The following COL4A4 variants were observed in gnomAD, a reference collection of about 807,000 sequenced individuals.
COL4A4 encodes the protein collagen type IV alpha 4 chain, also known as collagen alpha-4(IV) chain.
COL4A4 carries 105 observed loss-of-function variants against 192.9 expected under a neutral mutation model. The ratio of observed to expected loss-of-function variants is 0.54; its 90% confidence interval spans 0.46 to 0.64. The LOEUF (loss-of-function observed/expected upper bound fraction) is 0.64. Ranked by LOEUF, COL4A4 falls within the 30% of genes least tolerant of loss-of-function variation. The pLI is 0.00. For synonymous variants in COL4A4, 762 were observed against 769.9 expected, an observed-to-expected ratio of 0.99 and a Z score of 0.17; for missense variants, 1,967 against 2,169.3, an observed-to-expected ratio of 0.91 and a Z score of 1.85.
rs1966133259 is a variant in COL4A4 at position 227,022,163 on chromosome 2, C to G, written c.4101G>C (p.Gly1367=). The part of the protein sequence containing the change: ...TGLPGPRGEP[G]PPADVDDCPR... The stretch of plus-strand genomic sequence containing the variant: ...GACAGTCATCCACATCTGCAGGTGG[C>G]CCCGGTTCACCTGAAATTGGAATCA... The change falls in exon 44 of 48, where the codon GGG becomes GGC. Residue 1367 remains glycine, a synonymous_variant. Coordinates refer to ENST00000396625, the MANE Select transcript of COL4A4 (RefSeq NM_000092.5). 6.2e-7 allele frequency: 1 copy of G among 1,614,062 alleles called. No homozygotes were observed. The highest frequency in any genetic ancestry group is 8.5e-7 in the Non-Finnish European group (1 of 1,180,024).
At chr2:227,041,324 A>G (rs1189452434) in intron 37 of COL4A4, among the ~76,000 whole-genome samples, 1 of 152,120 alleles carries the variant, frequency 6.6e-6, no homozygotes, top group Non-Finnish European at 1.5e-5. Context: ...GGGCCTGAAC[A>G]TCATAAAAAT....
chr2:227,071,017 A>G (rs2058690837), intron 25 of COL4A4, among the ~76,000 whole-genome samples: 1 of 152,098 alleles, frequency 6.6e-6, no homozygotes, highest in South Asian at 2.1e-4. Flanking sequence ...AAAGACAACT[A>G]TCTGGGTAAC....
intron 4 of COL4A4, among the ~76,000 whole-genome samples, chr2:227,124,942 G>A (rs1576690532): frequency 6.6e-6 from 1 of 152,148 alleles, no homozygotes; most frequent in East Asian, 1.9e-4. Flanking sequence ...GTACTTTACA[G>A]TAATGTATTA....
intron 44 of COL4A4, among the ~76,000 whole-genome samples, chr2:227,015,219 G>GT (rs1559413955): frequency 6.6e-6 from 1 of 152,036 alleles, no homozygotes; most frequent in Non-Finnish European, 1.5e-5. Flanking sequence ...CAGAACCTCT[G>GT]TTCTTATCCA....
chr2:227,111,639 G>A, intron 9 of COL4A4, 39 bp downstream of exon 9: 3 of 1,605,772 alleles, frequency 1.9e-6, no homozygotes, highest in Middle Eastern at 1.7e-4. Context: ...GGCTATTTGA[G>A]GAGGAAATAG....
At chr2:227,088,891 C>G in intron 21 of COL4A4, 75 bp from the exon 22 acceptor site, 1 of 1,530,612 alleles carries the variant, frequency 6.5e-7, no homozygotes, top group South Asian at 1.1e-5. Flanking sequence ...CTGTACAAAA[C>G]CAATAGCATA....
chr2:227,120,481 G>A (rs76758181), intron 5 of COL4A4, among the ~76,000 whole-genome samples: 5,301 of 152,158 alleles, frequency 0.035, 296 homozygotes, highest in African/African-American at 0.12. Context: ...TTTTTAAAAA[G>A]CCATGAAACA....
intron 22 of COL4A4, among the ~76,000 whole-genome samples, chr2:227,086,585 C>T (rs1337743928): frequency 3.3e-5 from 5 of 151,978 alleles, no homozygotes; most frequent in African/African-American, 1.2e-4. Flanking sequence ...ATCATATACA[C>T]AACAGACCAG....
intron 25 of COL4A4, among the ~76,000 whole-genome samples, chr2:227,063,032 G>GA (rs924371148): frequency 5.3e-5 from 8 of 152,198 alleles, no homozygotes; most frequent in Admixed American, 1.3e-4. Flanking sequence ...GCTGAGTTCA[G>GA]AAAATCTGAC....
At chr2:227,154,601 C>T (rs1292078294) in intron 1 of COL4A4, among the ~76,000 whole-genome samples, 1 of 152,180 alleles carries the variant, frequency 6.6e-6, no homozygotes, top group Non-Finnish European at 1.5e-5. Context: ...ACATATTTTC[C>T]TTTTTGGCCT....
intron 12 of COL4A4, 72 bp downstream of exon 12, chr2:227,108,509 C>G: frequency 6.9e-7 from 1 of 1,447,228 alleles, no homozygotes; most frequent in Non-Finnish European, 9.7e-7. Flanking sequence ...TTCAAATAAT[C>G]AGAACAGCCT....
chr2:227,131,593 C>G (rs1419121388), intron 4 of COL4A4, among the ~76,000 whole-genome samples: 1 of 152,212 alleles, frequency 6.6e-6, no homozygotes, highest in African/African-American at 2.4e-5. Flanking sequence ...GGAGGCTGTT[C>G]CCCTTGTCTG....
chr2:227,112,263 C>T (rs1475282004), intron 8 of COL4A4, among the ~76,000 whole-genome samples: 1 of 151,218 alleles, frequency 6.6e-6, no homozygotes, highest in African/African-American at 2.4e-5. Context: ...TAAAATATGA[C>T]ATTTCAACCT....
At chr2:226,995,888 A>G in the COL4A4 span, 1 of 208,526 alleles carries the variant, frequency 4.8e-6, no homozygotes, top group Non-Finnish European at 9.5e-6. Context: ...TTAGTCCCTC[A>G]TTCTGCCTGG....
At chr2:226,981,731 C>G in the COL4A4 span, among the ~76,000 whole-genome samples, 4 of 152,358 alleles carry the variant, frequency 2.6e-5, no homozygotes, top group African/African-American at 9.6e-5. Flanking sequence ...AAATGACCAT[C>G]ATACTTCTCA....
At chr2:227,095,247 A>G (rs1236802586) in intron 19 of COL4A4, among the ~76,000 whole-genome samples, 1 of 152,220 alleles carries the variant, frequency 6.6e-6, no homozygotes, top group Non-Finnish European at 1.5e-5. Flanking sequence ...GGGTAAAAAT[A>G]TAGACTCACG....
intron 4 of COL4A4, among the ~76,000 whole-genome samples, chr2:227,128,319 G>A (rs896840333): frequency 6.6e-6 from 1 of 152,222 alleles, no homozygotes; most frequent in Non-Finnish European, 1.5e-5. Context: ...CTTAAAAACA[G>A]TCTATCCAGA....
At chr2:227,083,075 A>G (rs569238678) in intron 22 of COL4A4, among the ~76,000 whole-genome samples, 217 of 152,278 alleles carry the variant, frequency 1.4e-3, no homozygotes, top group Non-Finnish European at 2.5e-3. Flanking sequence ...CTAAAAATAC[A>G]AAAATTAGCT....
At chr2:227,151,226 A>T (rs766202505) in intron 1 of COL4A4, among the ~76,000 whole-genome samples, 3 of 152,204 alleles carry the variant, frequency 2.0e-5, no homozygotes, top group Non-Finnish European at 4.4e-5. Flanking sequence ...ATTTCTCTGC[A>T]ACAAAATACT....
Sources: gnomAD v4.1 joint callset for allele counts (sites outside exome capture counted in the v4.1 genomes callset) on GRCh38, gnomAD v4.1.1 for gene constraint, MANE v1.5 for transcripts, NCBI Gene and HGNC (gene_info 2026-07-23, HGNC 2026-07-21) for gene names.